Variants in PRH1 observed in about 807,000 individuals in gnomAD.
PRH1 encodes the protein proline rich protein HaeIII subfamily 1.
Under a neutral mutation model 7.9 loss-of-function variants are expected in PRH1, and 7 were observed. The observed-to-expected ratio is 0.89, with a 90% CI of 0.50 to 1.67. PRH1 has a LOEUF of 1.67. Among genes scored for constraint, PRH1 ranks in the 40% most tolerant of loss-of-function variants. PRH1 has a pLI of 0.00. For synonymous variants in PRH1, 45 were observed against 80.8 expected (o/e 0.56, Z 2.38); for missense variants, 109 against 223.6 (o/e 0.49, Z 3.27).
At chr12:10,927,480 C>T (rs886625630) in intron 2 of PRH1, among the ~76,000 whole-genome samples, 6 of 152,206 alleles carry the variant, frequency 3.9e-5, no homozygotes, top group African/African-American at 1.4e-4. Flanking sequence ...CCAGTTTCCA[C>T]AGGGCCAGAG....
intron 1 of PRH1, among the ~76,000 whole-genome samples, chr12:11,142,744 T>C (rs181152372): frequency 1.7e-3 from 262 of 152,204 alleles, no homozygotes; most frequent in African/African-American, 6.0e-3. Context: ...GGAGCTCCAC[T>C]ACATCTGGCA....
chr12:11,027,761 CTG>C (rs1320023477), intron 1 of PRH1, among the ~76,000 whole-genome samples: 1 of 152,166 alleles, frequency 6.6e-6, no homozygotes, highest in African/African-American at 2.4e-5. Context: ...TTATAGGACT[CTG>C]TGCATGTCTC....
At chr12:10,926,987 C>G (rs778198626) in intron 2 of PRH1, among the ~76,000 whole-genome samples, 1 of 152,190 alleles carries the variant, frequency 6.6e-6, no homozygotes, top group Non-Finnish European at 1.5e-5. Flanking sequence ...TTCACCCACA[C>G]TCACTCCCAG....
intron 2 of PRH1, chr12:10,930,915 C>G (rs779349016): frequency 6.8e-6 from 11 of 1,608,234 alleles, no homozygotes; most frequent in South Asian, 1.1e-5. Flanking sequence ...GAGGCCATCC[C>G]CGTCCTCCTC....
chr12:11,089,262 G>C lies in PRH1; in HGVS notation n.124-42074C>G, dbSNP rs1213805532. On this transcript the variant is annotated intron_variant and non_coding_transcript_variant, in intron 1 of 4. Coordinates refer to the PRH1 transcript ENST00000541977. ...TTTCATGACCACCACCAAGGGACTG[G>C]ATGATGGAAGACAGAACAACAGAGA... Among the ~76,000 whole-genome samples the C allele has an allele frequency of 4.3e-5, 5 of 116,220 alleles. 2 individuals carry two copies. Among genetic ancestry groups the C allele is most frequent in the African/African-American group, 1.4e-4 (5 of 34,630 alleles). 76.2% of individuals were successfully genotyped at this position (116,220 alleles called of 152,430 possible). A position where few individuals can be genotyped will look rare whatever the true frequency, so the allele number is the denominator to read the frequency against.
chr12:11,123,126 T>G (rs968674227), intron 1 of PRH1, among the ~76,000 whole-genome samples: 1 of 152,266 alleles, frequency 6.6e-6, no homozygotes, highest in Non-Finnish European at 1.5e-5. Flanking sequence ...CTCAACATTA[T>G]GTATCTGAAA....
rs751016037 is a variant in PRH1 at position 11,091,115 on chromosome 12, C to CACACATATATATATATATATATATATAT, written n.124-43928_124-43927insATATATATATATATATATATATATGTGT. Among the ~76,000 whole-genome samples the CACACATATATATATATATATATATATAT allele has an allele frequency of 3.7e-3, 92 of 25,096 alleles. 3 individuals carry two copies. The highest frequency in any genetic ancestry group is 0.029 in the Middle Eastern group (1 of 34). 16.5% of individuals were successfully genotyped at this position (25,096 alleles called of 152,430 possible). A position where few individuals can be genotyped will look rare whatever the true frequency, so the allele number is the denominator to read the frequency against. On this transcript the variant is annotated intron_variant and non_coding_transcript_variant, in intron 1 of 4. Transcript: ENST00000541977. ...ACACAAATACACACACACACACACA[C>CACACATATATATATATATATATATATAT]ATATATATATATATATATATATATA...
At chr12:10,936,145 G>A (rs1052601901) in intron 2 of PRH1, among the ~76,000 whole-genome samples, 6 of 132,900 alleles carry the variant, frequency 4.5e-5, no homozygotes, top group East Asian at 2.4e-4. Flanking sequence ...CCACCACCCC[G>A]CCCCCACACA....
intron 1 of PRH1, among the ~76,000 whole-genome samples, chr12:11,127,381 A>G (rs1044647259): frequency 5.2e-5 from 8 of 152,400 alleles, no homozygotes; most frequent in Non-Finnish European, 1.0e-4. Flanking sequence ...TAATACATAA[A>G]TCATACATTG....
chr12:10,908,738 A>G (rs1949846009), intron 2 of PRH1: 3 of 1,613,942 alleles, frequency 1.9e-6, no homozygotes, highest in Non-Finnish European at 8.5e-7. Context: ...ATGGTGTTAG[A>G]CTGAACATAG....
chr12:11,030,759 G>A (rs760460451), intron 1 of PRH1: 17 of 1,599,074 alleles, frequency 1.1e-5, no homozygotes, highest in Middle Eastern at 3.3e-4. Context: ...AAAAAACATA[G>A]CAGGGTCAGA....
chr12:10,898,182 G>T (rs1399612008), intron 2 of PRH1, among the ~76,000 whole-genome samples: 7 of 152,126 alleles, frequency 4.6e-5, no homozygotes, highest in African/African-American at 1.7e-4. Context: ...ACCAGGAAAG[G>T]CCAATTAGTC....
chr12:10,882,158 A>G (rs1565447177), intron 3 of PRH1, 59 bp downstream of exon 3: 3 of 1,601,026 alleles, frequency 1.9e-6, no homozygotes, highest in Non-Finnish European at 2.6e-6. Flanking sequence ...CATTGGCACA[A>G]TGAAGTTGGA....
intron 2 of PRH1, chr12:10,908,486 G>C (rs1397200953): frequency 1.2e-6 from 2 of 1,613,902 alleles, no homozygotes; most frequent in Admixed American, 3.3e-5. Flanking sequence ...AAGGAGAGAA[G>C]ACTCCAATCG....
chr12:11,003,511 C>CAT (rs1440272535), intron 1 of PRH1, among the ~76,000 whole-genome samples: 24 of 151,870 alleles, frequency 1.6e-4, no homozygotes, highest in Non-Finnish European at 1.3e-4. Flanking sequence ...TTATGATAAT[C>CAT]ACTTATATGT....
intron 1 of PRH1, among the ~76,000 whole-genome samples, chr12:11,007,222 G>C (rs186119880): frequency 6.6e-6 from 1 of 152,202 alleles, no homozygotes; most frequent in East Asian, 1.9e-4. Context: ...ACCACAAGAA[G>C]GCCAATACGC....
chr12:11,012,523 CTG>C (rs1440967477), intron 1 of PRH1, among the ~76,000 whole-genome samples: 3 of 152,098 alleles, frequency 2.0e-5, no homozygotes, highest in African/African-American at 7.2e-5. Flanking sequence ...TCTTTCGATT[CTG>C]TGTTACTTGA....
At chr12:10,901,726 G>GT (rs1238007141) in intron 2 of PRH1, among the ~76,000 whole-genome samples, 1 of 152,066 alleles carries the variant, frequency 6.6e-6, no homozygotes, top group Non-Finnish European at 1.5e-5. Context: ...CCTGCAACCT[G>GT]TAAGTGCATA....
chr12:10,973,636 CT>C (rs780067335), intron 2 of PRH1: 22 of 775,872 alleles, frequency 2.8e-5, no homozygotes, highest in Non-Finnish European at 4.3e-5. Context: ...TCCTGTGTTA[CT>C]TGATATGTAG....
Sources: gnomAD v4.1 joint callset for allele counts (sites outside exome capture counted in the v4.1 genomes callset) on GRCh38, gnomAD v4.1.1 for gene constraint, MANE v1.5 for transcripts, NCBI Gene and HGNC (gene_info 2026-07-23, HGNC 2026-07-21) for gene names.